The following MTMR4 variants were observed in gnomAD, a reference collection of about 807,000 sequenced individuals.
The protein encoded by MTMR4 is phosphatidylinositol-3,5-bisphosphate 3-phosphatase MTMR4.
Under a neutral mutation model 125.5 loss-of-function variants are expected in MTMR4, and 30 were observed. The observed-to-expected ratio is 0.24, with a 90% CI of 0.18 to 0.32. The LOEUF is 0.32. MTMR4 is among the 10% of genes least tolerant of loss of function. The pLI, the probability that MTMR4 is intolerant of heterozygous loss-of-function variation, is 1.00. For missense variants in MTMR4, 1,039 were observed against 1,511.5 expected (o/e 0.69, Z 5.18); for synonymous variants, 498 against 564.5 (o/e 0.88, Z 1.67).
chr17:58,494,893 G>A, intron 15 of MTMR4, 39 bp downstream of exon 15: 1 of 1,570,180 alleles, frequency 6.4e-7, no homozygotes, highest in African/African-American at 1.3e-5. Flanking sequence ...TGGATGAACA[G>A]AGTAAATAAT....
chr17:58,507,032 C>A, intron 8 of MTMR4, 91 bp downstream of exon 8: 1 of 1,575,058 alleles, frequency 6.3e-7, no homozygotes, highest in Non-Finnish European at 8.7e-7. Flanking sequence ...GTGTTGTCAT[C>A]TTCCCAGACT....
intron 4 of MTMR4, among the ~76,000 whole-genome samples, chr17:58,509,275 CCTCTCTGCCTAGCCACATCCTA>C (rs1975862861): frequency 6.6e-6 from 1 of 151,540 alleles, no homozygotes; most frequent in Admixed American, 6.6e-5. Context: ...GATAATGTCT[CCTCTCTGCCTAGCCACATCCTA>C]CTGATGCTTT....
chr17:58,505,378 C>G, intron 10 of MTMR4, 94 bp downstream of exon 10: 4 of 1,127,942 alleles, frequency 3.5e-6, no homozygotes, highest in Non-Finnish European at 5.2e-6. Context: ...GTCTCCTGCT[C>G]TCCAAACTTC....
chr17:58,493,043 C>G, intron 15 of MTMR4, 91 bp from the exon 16 acceptor site: 1 of 907,400 alleles, frequency 1.1e-6, no homozygotes, highest in Non-Finnish European at 1.8e-6. Flanking sequence ...GTGCATTACA[C>G]ACATGAACTT....
intron 17 of MTMR4, 41 bp downstream of exon 17, chr17:58,492,470 G>T: frequency 6.8e-7 from 1 of 1,477,538 alleles, no homozygotes; most frequent in Non-Finnish European, 9.0e-7. Context: ...CGCCTGGCCT[G>T]CCCTGTTTTT....
chr17:58,501,289 T>C (rs1158110716), intron 14 of MTMR4, among the ~76,000 whole-genome samples: 1 of 152,090 alleles, frequency 6.6e-6, no homozygotes, highest in East Asian at 1.9e-4. Flanking sequence ...GGCAGGAAGA[T>C]CACTCGACGC....
At chr17:58,499,784 G>A (rs982274055) in intron 14 of MTMR4, among the ~76,000 whole-genome samples, 2 of 143,960 alleles carry the variant, frequency 1.4e-5, no homozygotes, top group South Asian at 2.4e-4. Flanking sequence ...CACCACGCCC[G>A]GCTAATTTTT....
In MTMR4 at chr17:58,514,566, C is replaced by G; in HGVS notation, c.-159G>C. The G allele has an allele frequency of 1.0e-6, 1 of 985,188 alleles. No individual in the cohort carries two copies. The highest frequency in any genetic ancestry group is 1.2e-6 in the Non-Finnish European group (1 of 829,878). The allele number at this position is 985,188 out of a possible 1,614,324, so 61.0% of individuals were successfully genotyped here. ...TGGCCGGGCCTCCGCGCGGCTCCCG[C>G]GCGCCTCTCCCCTCCTCTCCACAAT... is the stretch of plus-strand genomic sequence containing the variant. On this transcript the variant is annotated 5_prime_UTR_variant, in exon 1 of 18. Coordinates refer to ENST00000682306, the MANE Select transcript of MTMR4 (RefSeq NM_001378067.1).
Position 58,504,405 on chromosome 17 carries a change from C to T in MTMR4, c.1425G>A (p.Glu475=), listed in dbSNP as rs777712989. The T allele has an allele frequency of 6.2e-7, 1 of 1,614,022 alleles. No individual in the cohort carries two copies. The highest frequency in any genetic ancestry group is 2.2e-5 in the East Asian group (1 of 44,892). The change falls in exon 12 of 18, where the codon GAG becomes GAA. Residue 475 remains glutamate, a synonymous_variant. Coordinates refer to ENST00000682306, the MANE Select transcript of MTMR4 (RefSeq NM_001378067.1). This position sits in a 1 kb window ranked among gnomAD's most constrained non-coding sequence, Gnocchi z 7.1. ...GDRCGHQENV[E]DQNEQCPVFL... ...ACACAGGGCATTGTTCGTTTTGGTC[C>T]TCCACATTCTCTTGGTGGCCACAGC...
intron 14 of MTMR4, among the ~76,000 whole-genome samples, chr17:58,499,470 C>T (rs903625504): frequency 6.6e-6 from 1 of 152,034 alleles, no homozygotes; most frequent in African/African-American, 2.4e-5. Context: ...TCACTTGAAC[C>T]CGGTGGGCGG....
At chr17:58,507,410 C>A in intron 7 of MTMR4, 91 bp from the exon 8 acceptor site, 2 of 1,144,554 alleles carry the variant, frequency 1.7e-6, no homozygotes, top group Non-Finnish European at 1.2e-6. Flanking sequence ...CTAGAGCCAG[C>A]AGGGGCTACC....
chr17:58,515,700 T>C (rs1311311862), upstream of MTMR4, among the ~76,000 whole-genome samples: 1 of 152,218 alleles, frequency 6.6e-6, no homozygotes, highest in Admixed American at 6.5e-5. Context: ...AGGAGCTATC[T>C]GTTGGTGGGG....
Position 58,491,321 on chromosome 17 carries a change from T to C in MTMR4, c.*342A>G. On this transcript the variant is annotated 3_prime_UTR_variant, in exon 18 of 18. Transcript: ENST00000682306. ...CTTGGAGTTTGGTTATACATATGCC[T>C]TTCTATTGCTGTTTGGGGCACTTTG... is the stretch of plus-strand genomic sequence containing the variant. 1 of 177,048 alleles carries C rather than the reference T, an allele frequency of 5.6e-6. No homozygotes were observed. The highest frequency in any genetic ancestry group is 1.4e-4 in the South Asian group (1 of 6,936). The allele number at this position is 177,048 out of a possible 1,614,324, so 11.0% of individuals were successfully genotyped here. A position where few individuals can be genotyped will look rare whatever the true frequency, so the allele number is the denominator to read the frequency against.
At chr17:58,502,748 G>A (rs374589771) in intron 14 of MTMR4, among the ~76,000 whole-genome samples, 10 of 152,200 alleles carry the variant, frequency 6.6e-5, no homozygotes, top group East Asian at 3.8e-4. Context: ...ATATGAAAGC[G>A]TGAGTGTGGA....
intron 15 of MTMR4, among the ~76,000 whole-genome samples, chr17:58,494,130 C>T (rs1028629203): frequency 6.6e-6 from 1 of 151,276 alleles, no homozygotes; most frequent in Non-Finnish European, 1.5e-5. Flanking sequence ...CTGGCTAACA[C>T]AGTGAGACCC....
intron 4 of MTMR4, among the ~76,000 whole-genome samples, chr17:58,509,138 G>A (rs775362447): frequency 6.6e-5 from 10 of 151,986 alleles, no homozygotes; most frequent in African/African-American, 2.2e-4. Flanking sequence ...GGCCCTGAAC[G>A]TCTGCACTCC....
chr17:58,508,615 G>A lies in MTMR4; in HGVS notation c.497-51C>T. The A allele has an allele frequency of 6.2e-7, 1 of 1,614,120 alleles. No homozygotes were observed. Among genetic ancestry groups the A allele is most frequent in the Admixed American group, 1.7e-5 (1 of 60,022 alleles). ...AGCTTCCCAGAGCACCAATGTGCAG[G>A]AGTGGAGGAGGGATGAGAACTAAGG... On this transcript the variant is annotated intron_variant, in intron 5 of 17. Coordinates refer to ENST00000682306, the MANE Select transcript of MTMR4 (RefSeq NM_001378067.1). This position sits in a 1 kb window ranked among gnomAD's most constrained non-coding sequence, Gnocchi z 4.8.
rs751421332 is a variant in MTMR4, at chr17:58,508,741, A to G, written c.436T>C (p.Tyr146His). ...AKPEDLFAFAYHAWCLGLTEE... is the reference protein window; with the variant it reads ...AKPEDLFAFAHHAWCLGLTEE... ...GTCAGCCCCAGGCACCAGGCATGGT[A>G]GGCAAAGGCAAAGAGGTCTTCAGGC... is the stretch of plus-strand genomic sequence containing the variant. Residue 146 changes from tyrosine (Y) to histidine (H), a missense_variant, in exon 5 of 18, where the codon TAC becomes CAC. Tyr to His is a moderately conservative substitution (Grantham distance 83). Transcript: ENST00000682306. This position sits in a 1 kb window ranked among gnomAD's most constrained non-coding sequence, Gnocchi z 4.8. The G allele has an allele frequency of 3.7e-5, 60 of 1,614,108 alleles. 1 individual carries two copies. In the Middle Eastern group the frequency reaches 1.3e-3, roughly 35 times the overall value.
intron 1 of MTMR4, among the ~76,000 whole-genome samples, chr17:58,513,197 A>G (rs1039031439): frequency 7.9e-5 from 12 of 152,164 alleles, no homozygotes; most frequent in Admixed American, 6.5e-5. Flanking sequence ...TCAAAGAGGG[A>G]CTCTCCTATA....
Sources: gnomAD v4.1 joint callset for allele counts (sites outside exome capture counted in the v4.1 genomes callset) on GRCh38, gnomAD v4.1.1 for gene constraint, Gnocchi (gnomAD v3.1) non-coding constraint, MANE v1.5 for transcripts, NCBI Gene and HGNC (gene_info 2026-07-23, HGNC 2026-07-21) for gene names.